The following CABLES1 variants were observed in gnomAD, a reference collection of about 807,000 sequenced individuals.
CABLES1 encodes CDK5 and ABL1 enzyme substrate 1.
In CABLES1, 36 loss-of-function variants were observed where a neutral mutation model predicts 57.8. The ratio of observed to expected loss-of-function variants is 0.62; its 90% confidence interval spans 0.48 to 0.82. The LOEUF is 0.82. Ranked by LOEUF, CABLES1 falls within the 40% of genes least tolerant of loss-of-function variation. The probability of loss-of-function intolerance (pLI) is 0.00; values close to 1 mark genes in which losing one functional copy is unlikely to be tolerated. For synonymous variants in CABLES1, 374 were observed against 363.0 expected, an observed-to-expected ratio of 1.03 and a Z score of -0.35; for missense variants, 767 against 836.6, an observed-to-expected ratio of 0.92 and a Z score of 1.03.
intron 1 of CABLES1, chr18:23,155,989 G>A (rs2046962937): frequency 6.2e-7 from 1 of 1,613,162 alleles, no homozygotes; most frequent in African/African-American, 1.3e-5. Context: ...GACCCAGAGA[G>A]CTGAGTCTGT....
intron 1 of CABLES1, among the ~76,000 whole-genome samples, chr18:23,137,848 C>T (rs772296226): frequency 5.3e-5 from 8 of 152,138 alleles, no homozygotes; most frequent in Non-Finnish European, 7.3e-5. Context: ...GGGTGTGGAA[C>T]CGGGGAAGCA....
At chr18:23,199,159 G>A (rs2047305638) in intron 3 of CABLES1, among the ~76,000 whole-genome samples, 1 of 152,210 alleles carries the variant, frequency 6.6e-6, no homozygotes, top group African/African-American at 2.4e-5. Flanking sequence ...TTACAAGAAT[G>A]GGGTGAGGGA....
Position 23,211,322 on chromosome 18 carries a change from A to C in CABLES1, c.1011-2655A>C, listed in dbSNP as rs553034829. On this transcript the variant is annotated intron_variant, in intron 3 of 9. Coordinates refer to ENST00000256925, the MANE Select transcript of CABLES1 (RefSeq NM_001100619.3). The stretch of plus-strand genomic sequence containing the variant: ...ACACATTCCTGCCACTGTGTTGCAG[A>C]GGACATCGATGCCCAGTGACACATG... 7.9e-5 allele frequency among the ~76,000 whole-genome samples: 12 copies of C among 152,332 alleles called. No individual in the cohort carries two copies. In the South Asian group the frequency reaches 2.5e-3, roughly 32 times the overall value.
intron 7 of CABLES1, among the ~76,000 whole-genome samples, chr18:23,245,146 G>A (rs1012516512): frequency 2.0e-5 from 3 of 152,288 alleles, no homozygotes; most frequent in African/African-American, 4.8e-5. Context: ...CCAGGATGGG[G>A]CCCAAGTTCA....
intron 1 of CABLES1, among the ~76,000 whole-genome samples, chr18:23,177,741 C>T (rs937509207): frequency 1.3e-5 from 2 of 152,136 alleles, no homozygotes; most frequent in African/African-American, 2.4e-5. Flanking sequence ...CCTGCCTGCT[C>T]CCTCTGTTAG....
chr18:23,253,736 C>G lies in CABLES1; in HGVS notation c.1561C>G (p.Arg521Gly), dbSNP rs780513398. Residue 521 changes from arginine (R) to glycine (G), a missense_variant, in exon 9 of 10, where the codon CGA becomes GGA. Arg to Gly is a moderately radical substitution (Grantham distance 125). Around this residue, in one of 4 missense-constraint regions of CABLES1, gnomAD observed 529 missense variants for 622.8 expected, o/e 0.85. Coordinates refer to ENST00000256925, the MANE Select transcript of CABLES1 (RefSeq NM_001100619.3). ...TTGCCTGTCTTTCTCCAGTCTGAAA[C>G]GAGAGATGCGGAAGCTTGCGCAGGA... The part of the protein sequence containing the change: ...LTLSKIRSLK[R>G]EMRKLAQEDC... 9.3e-6 allele frequency: 15 copies of G among 1,613,846 alleles called. No individual in the cohort carries two copies. The highest frequency in any genetic ancestry group is 1.2e-5 in the Non-Finnish European group (14 of 1,179,876).
At chr18:23,171,689 T>C (rs144739439) in intron 1 of CABLES1, among the ~76,000 whole-genome samples, 1 of 152,310 alleles carries the variant, frequency 6.6e-6, no homozygotes, top group Non-Finnish European at 1.5e-5. Context: ...TGCCACCCTC[T>C]GATAACCCTC....
At position 23,258,988 on chromosome 18, in the gene CABLES1, A is replaced by C. The variant is rs1598898966; in HGVS notation, c.*1621A>C. 8.0e-6 allele frequency: 1 copy of C among 125,452 alleles called. No homozygotes were observed. The highest frequency in any genetic ancestry group is 3.1e-5 in the African/African-American group (1 of 31,944). 7.8% of individuals were successfully genotyped at this position (125,452 alleles called of 1,614,324 possible). ...GGCCAGAATCAGTTGTAAGACAGTG[A>C]TTTGGGTGGTGGGGGGAGGGAGGAG... On this transcript the variant is annotated 3_prime_UTR_variant, in exon 10 of 10. Coordinates refer to ENST00000256925, the MANE Select transcript of CABLES1 (RefSeq NM_001100619.3).
chr18:23,182,505 C>T lies in CABLES1; in HGVS notation c.846-6333C>T, dbSNP rs117261219. 2.4e-3 allele frequency among the ~76,000 whole-genome samples: 366 copies of T among 152,288 alleles called. 3 individuals carry two copies. Among genetic ancestry groups the T allele is most frequent in the Admixed American group, 0.017 (253 of 15,284 alleles). ...AACTGTACTTCTCACTAGAATCCCC[C>T]GGGAGTGTCTAAAACCCCGTTTATC... On this transcript the variant is annotated intron_variant, in intron 1 of 9. Coordinates refer to ENST00000256925, the MANE Select transcript of CABLES1 (RefSeq NM_001100619.3).
intron 4 of CABLES1, among the ~76,000 whole-genome samples, chr18:23,224,937 A>G (rs906962058): frequency 2.4e-4 from 37 of 152,088 alleles, no homozygotes; most frequent in African/African-American, 8.2e-4. Flanking sequence ...GTGCAATCTC[A>G]GCTCACTGCA....
At chr18:23,176,307 T>C (rs1211446774) in intron 1 of CABLES1, among the ~76,000 whole-genome samples, 1 of 152,136 alleles carries the variant, frequency 6.6e-6, no homozygotes, top group Non-Finnish European at 1.5e-5. Flanking sequence ...GTGTGCAACC[T>C]AGATCCCTCG....
intron 1 of CABLES1, among the ~76,000 whole-genome samples, chr18:23,137,942 C>T (rs928665122): frequency 3.2e-4 from 48 of 152,142 alleles, no homozygotes; most frequent in African/African-American, 1.1e-3. Context: ...GCATGCATCT[C>T]CCCCGCAGCA....
In CABLES1 at chr18:23,135,914, C is replaced by A. The variant is rs2046815714; in HGVS notation, c.152C>A (p.Pro51His). The A allele has an allele frequency of 2.8e-6, 3 of 1,090,768 alleles. No homozygotes were observed. Among genetic ancestry groups the A allele is most frequent in the Non-Finnish European group, 3.3e-6 (3 of 902,046 alleles). 67.6% of individuals were successfully genotyped at this position (1,090,768 alleles called of 1,614,324 possible). The change falls in exon 1 of 10, where the codon CCC becomes CAC. Residue 51 changes from proline to histidine, a missense_variant. By Grantham distance (77) the Pro-to-His change is moderately conservative (BLOSUM62 -2). Around this residue, in one of 4 missense-constraint regions of CABLES1, gnomAD observed 198 missense variants for 149.7 expected, o/e 1.32. Transcript: ENST00000256925. ...AAAPAQPPPE[P>H]PRKPRMDPRR... Reference sequence around the variant, plus strand: ...GCGCCGGCCCAGCCGCCGCCCGAACCCCCCCGGAAGCCGCGCATGGACCCG... The same window carrying A: ...GCGCCGGCCCAGCCGCCGCCCGAACACCCCCGGAAGCCGCGCATGGACCCG...
At chr18:23,159,035 G>C (rs947687349) in intron 1 of CABLES1, among the ~76,000 whole-genome samples, 1 of 152,128 alleles carries the variant, frequency 6.6e-6, no homozygotes, top group Non-Finnish European at 1.5e-5. Flanking sequence ...GCGCGATCTC[G>C]GCTCACTGTA....
At chr18:23,191,819 C>T (rs943109972) in intron 2 of CABLES1, among the ~76,000 whole-genome samples, 2 of 151,008 alleles carry the variant, frequency 1.3e-5, no homozygotes, top group African/African-American at 2.4e-5. Context: ...CCTGAGCGCC[C>T]GGTATTCCAG....
At chr18:23,253,146 T>G (rs1191859808) in intron 8 of CABLES1, 80 bp downstream of exon 8, 1 of 787,094 alleles carries the variant, frequency 1.3e-6, no homozygotes, top group Non-Finnish European at 2.2e-6. Flanking sequence ...ATCTGTCCAG[T>G]GGTCCTTCCT....
At chr18:23,251,238 A>G (rs537862947) in intron 7 of CABLES1, among the ~76,000 whole-genome samples, 30 of 152,334 alleles carry the variant, frequency 2.0e-4, no homozygotes, top group African/African-American at 6.7e-4. Context: ...GGATCACCTG[A>G]AGTCAGGAGT....
chr18:23,244,783 G>A (rs2047832636), intron 7 of CABLES1, among the ~76,000 whole-genome samples: 1 of 152,194 alleles, frequency 6.6e-6, no homozygotes, highest in African/African-American at 2.4e-5. Context: ...CTGCATACCT[G>A]CCCCAGGTCT....
intron 7 of CABLES1, among the ~76,000 whole-genome samples, chr18:23,244,054 T>C (rs1260762756): frequency 6.6e-6 from 1 of 152,188 alleles, no homozygotes; most frequent in Non-Finnish European, 1.5e-5. Flanking sequence ...TTTTTGACAA[T>C]CACTTCGTGA....
Sources: allele counts gnomAD v4.1 joint callset (sites outside exome capture counted in the v4.1 genomes callset), GRCh38; gene constraint gnomAD v4.1.1; regional missense constraint gnomAD v4.1.1; transcripts MANE v1.5; gene names NCBI Gene and HGNC (gene_info 2026-07-23, HGNC 2026-07-21).